SCN10A: variants seen among roughly 807,000 people sequenced by gnomAD.
SCN10A encodes sodium channel protein type 10 subunit alpha.
SCN10A carries 162 observed loss-of-function variants against 170.7 expected under a neutral mutation model. The ratio of observed to expected loss-of-function variants is 0.95; its 90% confidence interval spans 0.84 to 1.08. The LOEUF is 1.08. Ranked by LOEUF, SCN10A falls within the 50% of genes least tolerant of loss-of-function variation. The pLI is 0.00. For missense variants in SCN10A, 2,527 were observed against 2,436.9 expected, an observed-to-expected ratio of 1.04 and a Z score of -0.78; for synonymous variants, 985 against 904.6, an observed-to-expected ratio of 1.09 and a Z score of -1.59.
intron 12 of SCN10A, among the ~76,000 whole-genome samples, chr3:38,750,704 C>T (rs1344314568): frequency 6.6e-6 from 1 of 152,182 alleles, no homozygotes; most frequent in African/African-American, 2.4e-5. Context: ...TGGTAACTGG[C>T]ACAGTTGGGA....
At chr3:38,800,155 G>A (rs992892473) in intron 1 of SCN10A, among the ~76,000 whole-genome samples, 3 of 152,142 alleles carry the variant, frequency 2.0e-5, no homozygotes, top group African/African-American at 7.2e-5. Context: ...TAGAACCAAA[G>A]CTCCTACAAC....
intron 26 of SCN10A, among the ~76,000 whole-genome samples, chr3:38,704,057 G>A (rs1353620900): frequency 1.3e-5 from 2 of 152,218 alleles, no homozygotes; most frequent in Non-Finnish European, 2.9e-5. Context: ...CTGAATGTAT[G>A]GGATGTGCAA....
At chr3:38,725,036 C>T in intron 18 of SCN10A, 138 bp downstream of exon 18, 1 of 738,268 alleles carries the variant, frequency 1.4e-6, no homozygotes, top group Non-Finnish European at 2.0e-6. Context: ...TTTAAAAATT[C>T]CCAGGATAAG....
intron 21 of SCN10A, 42 bp from the exon 22 acceptor site, chr3:38,714,122 G>T: frequency 1.2e-6 from 2 of 1,606,746 alleles, no homozygotes; most frequent in South Asian, 1.1e-5. Flanking sequence ...TAGGTTTCCA[G>T]AAAGGCAGTC....
intron 15 of SCN10A, among the ~76,000 whole-genome samples, chr3:38,737,028 T>C (rs11711936): frequency 3.1e-5 from 4 of 128,292 alleles, no homozygotes; most frequent in Admixed American, 9.1e-5. Flanking sequence ...CGGATTGCAG[T>C]GGCGCAATCT....
In SCN10A at chr3:38,789,008, T is replaced by C; in HGVS notation, c.418A>G (p.Ile140Val). The C allele has an allele frequency of 6.2e-7, 1 of 1,612,042 alleles. No individual in the cohort carries two copies. Residue 140 changes from isoleucine (I) to valine (V), a missense_variant, in exon 4 of 28, where the codon ATT becomes GTT. By Grantham distance (29) the Ile-to-Val change is conservative. Transcript: ENST00000449082. ...SWFSLFITVT[I>V]LVNCVCMTRT... is the part of the protein sequence containing the mutation. Reference sequence around the variant, plus strand: ...GTCATGCACACACAATTAACCAAAATAGTGACCGTAATAAATAAACTGAAC... The same window carrying C: ...GTCATGCACACACAATTAACCAAAACAGTGACCGTAATAAATAAACTGAAC...
intron 4 of SCN10A, among the ~76,000 whole-genome samples, chr3:38,777,844 G>A (rs1330085507): frequency 1.3e-5 from 2 of 151,910 alleles, no homozygotes; most frequent in African/African-American, 4.8e-5. Flanking sequence ...AAAAATGTTG[G>A]AATAATCCAT....
At chr3:38,734,491 A>G (rs1186140193) in intron 15 of SCN10A, among the ~76,000 whole-genome samples, 3 of 152,252 alleles carry the variant, frequency 2.0e-5, no homozygotes, top group African/African-American at 7.2e-5. Context: ...TAAAAAATGC[A>G]TCACGATCAA....
Position 38,712,195 on chromosome 3 carries a change from T to C in SCN10A, c.4055A>G (p.Asn1352Ser). The C allele has an allele frequency of 1.2e-6, 2 of 1,614,200 alleles. No individual in the cohort carries two copies. The highest frequency in any genetic ancestry group is 2.2e-5 in the East Asian group (1 of 44,888). Reference sequence around the variant, plus strand: ...AAGTGCAAGGTAACCCATTGCAACATTATCAAAGTTGACTTTCACATTGAC... The same window carrying C: ...AAGTGCAAGGTAACCCATTGCAACACTATCAAAGTTGACTTTCACATTGAC... Reference protein sequence around the residue: ...FWVNVKVNFDNVAMGYLALLQ... With the variant: ...FWVNVKVNFDSVAMGYLALLQ... Residue 1352 changes from asparagine (N) to serine (S), a missense_variant, in exon 23 of 28, where the codon AAT becomes AGT. Asn to Ser is a conservative substitution (Grantham distance 46). Transcript: ENST00000449082.
At position 38,757,091 on chromosome 3, in the gene SCN10A, T is replaced by C. The variant is rs779091257; in HGVS notation, c.1019A>G (p.Asp340Gly). 1 of 1,613,822 alleles carries C rather than the reference T, an allele frequency of 6.2e-7. No homozygotes were observed. Among genetic ancestry groups the C allele is most frequent in the Admixed American group, 1.7e-5 (1 of 59,950 alleles). ...TGAGAGGAAAGCCCAAGCAAAGGAA[T>C]CAAAGCTGGTGTAGTTAAAATCCGG... ...DNPDFNYTSF[D>G]SFAWAFLSLF... The change falls in exon 9 of 28, where the codon GAT becomes GGT. Residue 340 changes from aspartate to glycine, a missense_variant. Transcript: ENST00000449082.
chr3:38,715,183 T>G (rs1187655026), intron 21 of SCN10A, among the ~76,000 whole-genome samples: 1 of 152,164 alleles, frequency 6.6e-6, no homozygotes, highest in Non-Finnish European at 1.5e-5. Context: ...GCCAGTTCCA[T>G]GCTGAACCCT....
At chr3:38,810,313 C>T (rs73826372) in intron 1 of SCN10A, among the ~76,000 whole-genome samples, 2 of 152,096 alleles carry the variant, frequency 1.3e-5, no homozygotes, top group Non-Finnish European at 2.9e-5. Context: ...TAAATGCCAA[C>T]CAGTATAACG....
rs1431418224 is a variant in SCN10A at position 38,750,158 on chromosome 3, A to G, written c.1782T>C (p.Thr594=). 6.8e-6 allele frequency: 11 copies of G among 1,612,910 alleles called. No homozygotes were observed. The highest frequency in any genetic ancestry group is 1.3e-5 in the African/African-American group (1 of 75,038). The part of the protein sequence containing the change: ...VSAFDAGQKK[T]FLSAEYLDEP... ...CATCTAAGTATTCTGCTGACAAGAAAGTCTTCTTTTGTCCTGCATCGAATG... is the reference window on the plus strand; with the variant it reads ...CATCTAAGTATTCTGCTGACAAGAAGGTCTTCTTTTGTCCTGCATCGAATG... Residue 594 remains threonine (T), a synonymous_variant, in exon 13 of 28, where the codon ACT becomes ACC. Coordinates refer to ENST00000449082, the MANE Select transcript of SCN10A (RefSeq NM_006514.4).
chr3:38,733,809 C>G (rs915035621), intron 15 of SCN10A, among the ~76,000 whole-genome samples: 3 of 152,088 alleles, frequency 2.0e-5, no homozygotes, highest in Non-Finnish European at 4.4e-5. Context: ...CAACCTCCGC[C>G]TCCCGGGTTC....
At chr3:38,767,516 G>C (rs181010831) in intron 5 of SCN10A, among the ~76,000 whole-genome samples, 59 of 152,122 alleles carry the variant, frequency 3.9e-4, no homozygotes, top group African/African-American at 1.4e-3. Flanking sequence ...TTCAAGAGCA[G>C]ATTGTTTAGT....
intron 13 of SCN10A, among the ~76,000 whole-genome samples, chr3:38,748,028 G>T (rs574677268): frequency 5.9e-4 from 90 of 152,104 alleles, no homozygotes; most frequent in African/African-American, 2.1e-3. Context: ...ACACAACAGG[G>T]GCTCAACAAA....
intron 1 of SCN10A, among the ~76,000 whole-genome samples, chr3:38,813,321 G>T (rs1304038071): frequency 6.6e-6 from 1 of 152,164 alleles, no homozygotes. Context: ...CACATTGTGG[G>T]CAGGGGAGTG....
intron 12 of SCN10A, among the ~76,000 whole-genome samples, chr3:38,751,194 C>G (rs2126022520): frequency 6.6e-6 from 1 of 152,316 alleles, no homozygotes; most frequent in East Asian, 1.9e-4. Context: ...CTACTAAGAT[C>G]ACAAGTTCTG....
At chr3:38,796,587 T>C (rs1315026887) in intron 1 of SCN10A, among the ~76,000 whole-genome samples, 1 of 152,222 alleles carries the variant, frequency 6.6e-6, no homozygotes, top group African/African-American at 2.4e-5. Flanking sequence ...ACACTACTTT[T>C]ATAAGTTTAT....
Sources: allele counts gnomAD v4.1 joint callset (sites outside exome capture counted in the v4.1 genomes callset), GRCh38; gene constraint gnomAD v4.1.1; transcripts MANE v1.5; gene names NCBI Gene and HGNC (gene_info 2026-07-23, HGNC 2026-07-21).